Variants in ADAMDEC1 observed in about 807,000 individuals in gnomAD.
ADAMDEC1 encodes ADAM like decysin 1.
Under a neutral mutation model 60.4 loss-of-function variants are expected in ADAMDEC1, and 62 were observed. The ratio of observed to expected loss-of-function variants is 1.03; its 90% confidence interval spans 0.84 to 1.27. The LOEUF (loss-of-function observed/expected upper bound fraction) is 1.27, where lower values mean the gene tolerates loss of function less well. ADAMDEC1 is among the 50% of genes most tolerant of loss of function. The pLI is 0.00. For synonymous variants in ADAMDEC1, 210 were observed against 195.1 expected (o/e 1.08, Z -0.64); for missense variants, 595 against 565.0 (o/e 1.05, Z -0.54).
chr8:24,400,103 T>C, intron 10 of ADAMDEC1, 67 bp from the exon 11 acceptor site: 2 of 1,317,450 alleles, frequency 1.5e-6, no homozygotes, highest in East Asian at 5.2e-5. Flanking sequence ...TAAGCCATTT[T>C]TAAAGTACTG....
chr8:24,400,369 T>C, intron 11 of ADAMDEC1, 69 bp downstream of exon 11: 1 of 1,463,884 alleles, frequency 6.8e-7, no homozygotes, highest in Non-Finnish European at 9.2e-7. Flanking sequence ...AGACACATAT[T>C]ATTCTCTATT....
chr8:24,396,327 G>C (rs1298803594), intron 5 of ADAMDEC1, among the ~76,000 whole-genome samples: 1 of 152,056 alleles, frequency 6.6e-6, no homozygotes, highest in Non-Finnish European at 1.5e-5. Flanking sequence ...TGGCTAACAC[G>C]GTGAAACCCC....
chr8:24,387,287 G>A (rs576710619), intron 1 of ADAMDEC1: 1 of 152,240 alleles, frequency 6.6e-6, no homozygotes, highest in East Asian at 1.9e-4. Flanking sequence ...TGGGAGAGAG[G>A]GCTCAGGGAA....
chr8:24,404,787 A>G (rs1395512640), intron 13 of ADAMDEC1, among the ~76,000 whole-genome samples: 1 of 152,206 alleles, frequency 6.6e-6, no homozygotes, highest in South Asian at 2.1e-4. Context: ...TGACTCAAGC[A>G]CCATCAATTA....
Position 24,394,107 on chromosome 8 carries a change from C to T in ADAMDEC1, c.323C>T (p.Ser108Leu), listed in dbSNP as rs2129359414. The change falls in exon 4 of 14, where the codon TCA (serine) becomes TTA (leucine). Residue 108 changes from serine (S) to leucine (L), a missense_variant. Physicochemically the swap from Ser to Leu is moderately radical, Grantham distance 145 (BLOSUM62 -2). Transcript: ENST00000256412. ...CCAGACTACACTGAAACATTGTACT[C>T]ACCCAGAGGAGAGGAAATTACCACG... ...LGPDYTETLY[S>L]PRGEEITTKP... is the part of the protein sequence containing the mutation. 1.9e-6 allele frequency: 3 copies of T among 1,613,566 alleles called. No homozygotes were observed. The highest frequency in any genetic ancestry group is 2.5e-6 in the Non-Finnish European group (3 of 1,179,588).
rs1045648984 is a variant in ADAMDEC1 at position 24,402,273 on chromosome 8, T to C, written c.1320+181T>C. 5.9e-5 allele frequency among the ~76,000 whole-genome samples: 9 copies of C among 152,200 alleles called. No homozygotes were observed. In the East Asian group the frequency reaches 7.7e-4, roughly 13 times the overall value. ...TGAAAGGCATTTCAAAAACTAGGAC[T>C]TGATTTTGACATAATTATATGAAGT... On this transcript the variant is annotated intron_variant, in intron 12 of 13. Transcript: ENST00000256412.
At chr8:24,391,441 A>C (rs1379996446) in intron 1 of ADAMDEC1, among the ~76,000 whole-genome samples, 29 of 152,228 alleles carry the variant, frequency 1.9e-4, no homozygotes, top group Non-Finnish European at 1.5e-5. Context: ...AATCTGGTAC[A>C]AAGCTGAAGT....
Position 24,402,014 on chromosome 8 carries a change from T to A in ADAMDEC1, c.1242T>A (p.Pro414=). The change falls in exon 12 of 14, where the codon CCT becomes CCA. Residue 414 remains proline, a synonymous_variant. Transcript: ENST00000256412. ...KPKCLLQAPI[P]TNIMTTPVCG... ...AGTGCCTGCTGCAAGCACCTATTCC[T>A]ACAAATATAATGACAACACCAGTGT... 1 of 1,613,342 alleles carries A rather than the reference T, an allele frequency of 6.2e-7. No individual in the cohort carries two copies.
chr8:24,392,250 C>T lies in ADAMDEC1; in HGVS notation c.89-12C>T. 6.4e-7 allele frequency: 1 copy of T among 1,562,530 alleles called. No homozygotes were observed. Among genetic ancestry groups the T allele is most frequent in the Non-Finnish European group, 8.7e-7 (1 of 1,146,830 alleles). ...TAAATCTTTTATGTGAATATTATTT[C>T]TCTTTCTCTAGCAATAGCCATAAAG... On this transcript the variant is annotated splice_polypyrimidine_tract_variant and intron_variant, in intron 1 of 13. Coordinates refer to ENST00000256412, the MANE Select transcript of ADAMDEC1 (RefSeq NM_014479.3).
intron 1 of ADAMDEC1, chr8:24,387,183 A>T (rs551583399): frequency 1.3e-5 from 2 of 152,200 alleles, no homozygotes; most frequent in Non-Finnish European, 2.9e-5. Context: ...TTGATCTTGC[A>T]TCACTGGGCA....
Position 24,393,195 on chromosome 8 carries a change from C to A in ADAMDEC1, c.208-67C>A, listed in dbSNP as rs181978268. On this transcript the variant is annotated intron_variant, in intron 2 of 13. Transcript: ENST00000256412. ...TTTGTAATTGTTCTTCTAATACATA[C>A]TACATATATAATTATTTTAGTTATG... 570 of 975,072 alleles carry A rather than the reference C, an allele frequency of 5.8e-4. 2 individuals carry two copies. In the African/African-American group the frequency reaches 8.6e-3, roughly 15 times the overall value. The allele number at this position is 975,072 out of a possible 1,614,324, so 60.4% of individuals were successfully genotyped here. A position where few individuals can be genotyped will look rare whatever the true frequency, so the allele number is the denominator to read the frequency against.
At chr8:24,394,520 C>T (rs1330876216) in intron 4 of ADAMDEC1, among the ~76,000 whole-genome samples, 1 of 152,096 alleles carries the variant, frequency 6.6e-6, no homozygotes, top group African/African-American at 2.4e-5. Flanking sequence ...TGCATTTATC[C>T]TGAGGTCAGC....
intron 3 of ADAMDEC1, 148 bp from the exon 4 acceptor site, chr8:24,393,921 C>T (rs903162142): frequency 1.3e-5 from 6 of 464,030 alleles, no homozygotes; most frequent in Non-Finnish European, 2.3e-5. Flanking sequence ...GCTTCAGCAA[C>T]AGAGCTCCAA....
chr8:24,385,970 T>A (rs1007358519), intron 1 of ADAMDEC1, among the ~76,000 whole-genome samples: 1 of 152,234 alleles, frequency 6.6e-6, no homozygotes, highest in East Asian at 1.9e-4. Flanking sequence ...CATATCTTTT[T>A]TCCCCCCATT....
In ADAMDEC1 at chr8:24,405,349, G is replaced by A. The variant is rs1027156004; in HGVS notation, c.*51G>A. ...GCTACCTTGCCAGGACAAGAACCAA[G>A]AACTCTAACTGTCCCAGGAATCTTG... On this transcript the variant is annotated 3_prime_UTR_variant, in exon 14 of 14. Coordinates refer to ENST00000256412, the MANE Select transcript of ADAMDEC1 (RefSeq NM_014479.3). 2 of 1,600,376 alleles carry A rather than the reference G, an allele frequency of 1.2e-6. No homozygotes were observed. Among genetic ancestry groups the A allele is most frequent in the East Asian group, 2.2e-5 (1 of 44,600 alleles).
Position 24,395,727 on chromosome 8 carries a change from G to A in ADAMDEC1, c.371G>A (p.Cys124Tyr). Residue 124 changes from cysteine (C) to tyrosine (Y), a missense_variant, in exon 5 of 14, where the codon TGT becomes TAT. Cys to Tyr is a radical substitution (Grantham distance 194). Coordinates refer to ENST00000256412, the MANE Select transcript of ADAMDEC1 (RefSeq NM_014479.3). ...TTCTTTTTTCCACTCCAGGAACACT[G>A]TTACTATAAAGGAAACATCCTAAAT... Reference protein sequence around the residue: ...ITTKPENMEHCYYKGNILNEK... With the variant: ...ITTKPENMEHYYYKGNILNEK... 6.2e-7 allele frequency: 1 copy of A among 1,612,306 alleles called. No homozygotes were observed. Among genetic ancestry groups the A allele is most frequent in the Non-Finnish European group, 8.5e-7 (1 of 1,179,022 alleles).
chr8:24,396,591 C>G (rs1462327406), intron 5 of ADAMDEC1, among the ~76,000 whole-genome samples: 1 of 152,088 alleles, frequency 6.6e-6, no homozygotes, highest in African/African-American at 2.4e-5. Flanking sequence ...AACATTTTGT[C>G]ATGTTTGCAC....
chr8:24,397,224 C>G, intron 5 of ADAMDEC1, 46 bp from the exon 6 acceptor site: 1 of 1,553,856 alleles, frequency 6.4e-7, no homozygotes, highest in Non-Finnish European at 8.7e-7. Context: ...GCAAATATGA[C>G]ACTGTGTGTC....
rs1423207233 is a variant in ADAMDEC1, at chr8:24,386,546, A to C, written c.88+1954A>C. ...CACCAATCTACTGCTCCTTGTCCCT[A>C]TATGATCAGCCTTACCTTCTGCTCC... is the stretch of plus-strand genomic sequence containing the variant. On this transcript the variant is annotated intron_variant, in intron 1 of 13. Transcript: ENST00000256412. Among the ~76,000 whole-genome samples the C allele has an allele frequency of 2.0e-5, 3 of 152,134 alleles. No homozygotes were observed. In the East Asian group the frequency reaches 5.8e-4, roughly 29 times the overall value.
Sources: allele counts gnomAD v4.1 joint callset (sites outside exome capture counted in the v4.1 genomes callset), GRCh38; gene constraint gnomAD v4.1.1; transcripts MANE v1.5; gene names NCBI Gene and HGNC (gene_info 2026-07-23, HGNC 2026-07-21).